KCND3: variants seen among roughly 807,000 people sequenced by gnomAD.
KCND3 encodes the protein A-type voltage-gated potassium channel KCND3.
A neutral mutation model predicts 51.1 loss-of-function variants in KCND3; 9 were observed. The ratio of observed to expected loss-of-function variants is 0.18; its 90% CI spans 0.11 to 0.31. The LOEUF is 0.31. Ranked by LOEUF, KCND3 falls within the 10% of genes least tolerant of loss-of-function variation. The pLI, the probability that KCND3 is intolerant of heterozygous loss-of-function variation, is 1.00. For synonymous variants in KCND3, 349 were observed against 368.0 expected, an observed-to-expected ratio of 0.95 and a Z score of 0.59; for missense variants, 526 against 903.8, an observed-to-expected ratio of 0.58 and a Z score of 5.36.
At chr1:111,806,435 G>A (rs1190151350) in intron 2 of KCND3, among the ~76,000 whole-genome samples, 2 of 152,088 alleles carry the variant, frequency 1.3e-5, no homozygotes, top group Non-Finnish European at 2.9e-5. Context: ...ATGGGCTTTG[G>A]GCTCAGAAAA....
At chr1:111,921,556 G>A (rs970165715) in intron 2 of KCND3, among the ~76,000 whole-genome samples, 3 of 152,196 alleles carry the variant, frequency 2.0e-5, no homozygotes, top group Non-Finnish European at 4.4e-5. Context: ...TAGGGATGAG[G>A]GGCTGCCCAG....
chr1:111,964,942 C>G (rs930548), intron 2 of KCND3, among the ~76,000 whole-genome samples: 62,111 of 151,936 alleles, frequency 0.41, 12,988 homozygotes, highest in Middle Eastern at 0.47. Context: ...CTGGCAAGCT[C>G]TTCATCACCC....
chr1:111,942,208 A>G (rs1057039730), intron 2 of KCND3, among the ~76,000 whole-genome samples: 1 of 152,202 alleles, frequency 6.6e-6, no homozygotes, highest in Non-Finnish European at 1.5e-5. Context: ...CTGCTCATCT[A>G]TTCATTCAAA....
At chr1:111,817,018 G>A (rs1201812406) in intron 2 of KCND3, among the ~76,000 whole-genome samples, 1 of 152,104 alleles carries the variant, frequency 6.6e-6, no homozygotes, top group Non-Finnish European at 1.5e-5. Context: ...CAATATTTTG[G>A]GGGTACAGGT....
intron 2 of KCND3, among the ~76,000 whole-genome samples, chr1:111,832,659 C>T (rs1440237331): frequency 6.6e-6 from 1 of 152,138 alleles, no homozygotes; most frequent in Non-Finnish European, 1.5e-5. Flanking sequence ...AGTTTCGATT[C>T]AGACAGAGTT....
intron 2 of KCND3, among the ~76,000 whole-genome samples, chr1:111,795,365 G>C (rs986479778): frequency 6.6e-6 from 1 of 152,248 alleles, no homozygotes; most frequent in African/African-American, 2.4e-5. Flanking sequence ...GACAGATGAG[G>C]CTCAGAGCAA....
intron 2 of KCND3, among the ~76,000 whole-genome samples, chr1:111,916,811 T>G (rs529323416): frequency 6.6e-6 from 1 of 152,138 alleles, no homozygotes; most frequent in African/African-American, 2.4e-5. Context: ...GAGAAATTAT[T>G]TGAAAGACAC....
chr1:111,777,361 G>A (rs1664174714), intron 6 of KCND3, 88 bp from the exon 7 acceptor site: 1 of 1,439,594 alleles, frequency 6.9e-7, no homozygotes, highest in East Asian at 2.3e-5. Flanking sequence ...GCCTGTCTCT[G>A]TTCTGGACCT....
intron 2 of KCND3, among the ~76,000 whole-genome samples, chr1:111,926,146 T>A (rs1215084015): frequency 6.6e-6 from 1 of 152,174 alleles, no homozygotes; most frequent in African/African-American, 2.4e-5. Flanking sequence ...AGTTTGTGGT[T>A]CCCGTGGCAT....
At chr1:111,847,567 C>T (rs12725564) in intron 2 of KCND3, among the ~76,000 whole-genome samples, 4,789 of 152,260 alleles carry the variant, frequency 0.031, 107 homozygotes, top group East Asian at 0.095. Flanking sequence ...TGCATATGTG[C>T]AGGCGTGATC....
At chr1:111,912,111 C>G (rs1013644974) in intron 2 of KCND3, among the ~76,000 whole-genome samples, 1 of 152,228 alleles carries the variant, frequency 6.6e-6, no homozygotes, top group Non-Finnish European at 1.5e-5. Flanking sequence ...AAAGAACCAT[C>G]GCAAAGCACT....
intron 2 of KCND3, among the ~76,000 whole-genome samples, chr1:111,930,691 C>G (rs936256039): frequency 2.0e-5 from 3 of 151,474 alleles, no homozygotes; most frequent in Non-Finnish European, 2.9e-5. Context: ...CTTGGCTTAA[C>G]CCTGTGCTGA....
intron 2 of KCND3, among the ~76,000 whole-genome samples, chr1:111,877,882 C>A (rs993652861): frequency 6.6e-6 from 1 of 152,162 alleles, no homozygotes; most frequent in Non-Finnish European, 1.5e-5. Flanking sequence ...TCTCAAGAAG[C>A]AAAAGGAGGA....
At chr1:111,857,272 G>A (rs1380779422) in intron 2 of KCND3, among the ~76,000 whole-genome samples, 1 of 152,210 alleles carries the variant, frequency 6.6e-6, no homozygotes, top group East Asian at 1.9e-4. Context: ...CCTGAGAGAA[G>A]GTGCAGCCCT....
At chr1:111,959,415 C>T (rs1490439144) in intron 2 of KCND3, among the ~76,000 whole-genome samples, 2 of 152,180 alleles carry the variant, frequency 1.3e-5, no homozygotes, top group African/African-American at 4.8e-5. Flanking sequence ...TCCCACCCCT[C>T]TGGGTCTTCT....
chr1:111,781,580 C>T (rs530116), intron 3 of KCND3, among the ~76,000 whole-genome samples: 15,083 of 152,116 alleles, frequency 0.099, 1,389 homozygotes, highest in African/African-American at 0.24. Flanking sequence ...TGTGCAGTAG[C>T]GTGATCTCGG....
intron 2 of KCND3, among the ~76,000 whole-genome samples, chr1:111,833,002 C>T (rs1666910619): frequency 6.6e-6 from 1 of 152,242 alleles, no homozygotes; most frequent in Non-Finnish European, 1.5e-5. Flanking sequence ...AAGAAAGCAG[C>T]AGGACCATAC....
chr1:111,985,948 T>G (rs1398259136), intron 1 of KCND3, among the ~76,000 whole-genome samples: 12 of 152,152 alleles, frequency 7.9e-5, no homozygotes. Flanking sequence ...GAGGAAAGAA[T>G]GGAGGTCGTT....
At chr1:111,986,411 T>C (rs1675288949) in intron 1 of KCND3, among the ~76,000 whole-genome samples, 1 of 152,196 alleles carries the variant, frequency 6.6e-6, no homozygotes, top group Admixed American at 6.5e-5. Flanking sequence ...CAAATGGCTT[T>C]CCTGATCTAG....
Sources: allele counts gnomAD v4.1 joint callset (sites outside exome capture counted in the v4.1 genomes callset), GRCh38; gene constraint gnomAD v4.1.1; transcripts MANE v1.5; gene names NCBI Gene and HGNC (gene_info 2026-07-23, HGNC 2026-07-21).